AK9: variants seen among roughly 807,000 people sequenced by gnomAD.
AK9 encodes adenylate kinase domain containing 1.
AK9 carries 191 observed loss-of-function variants against 239.6 expected under a neutral mutation model. That is an observed-to-expected ratio of 0.80 (90% CI 0.71 to 0.90). The LOEUF is 0.90. Ranked by LOEUF, AK9 falls within the 40% of genes least tolerant of loss-of-function variation. The pLI, the probability that AK9 is intolerant of heterozygous loss-of-function variation, is 0.00. For missense variants in AK9, 1,995 were observed against 2,214.7 expected, an observed-to-expected ratio of 0.90 and a Z score of 1.99; for synonymous variants, 689 against 721.0, an observed-to-expected ratio of 0.96 and a Z score of 0.71.
At chr6:109,656,636 A>G in intron 8 of AK9, 120 bp downstream of exon 8, 1 of 1,148,218 alleles carries the variant, frequency 8.7e-7, no homozygotes, top group South Asian at 1.8e-5. Context: ...CTTTCTACAA[A>G]GCTCAAGGGG....
At chr6:109,604,424 A>G (rs1005032021) in intron 17 of AK9, among the ~76,000 whole-genome samples, 7 of 152,200 alleles carry the variant, frequency 4.6e-5, no homozygotes, top group African/African-American at 1.4e-4. Context: ...TTTGATAGAA[A>G]GTGAGAATCT....
intron 13 of AK9, among the ~76,000 whole-genome samples, chr6:109,616,462 C>CA (rs1317237708): frequency 5.3e-5 from 8 of 151,750 alleles, no homozygotes; most frequent in African/African-American, 1.9e-4. Context: ...ACTGCAGCCT[C>CA]AACCTCCTGG....
intron 27 of AK9, 119 bp downstream of exon 27, chr6:109,541,928 C>A: frequency 1.1e-6 from 1 of 900,720 alleles, no homozygotes; most frequent in Non-Finnish European, 1.6e-6. Context: ...TGAAAAATCA[C>A]CAGCTTACAT....
intron 10 of AK9, 38 bp downstream of exon 10, chr6:109,641,480 T>C: frequency 6.5e-7 from 1 of 1,541,572 alleles, no homozygotes; most frequent in South Asian, 1.1e-5. Context: ...ACAACATATA[T>C]TGAAAATTAG....
At chr6:109,681,139 G>C (rs186212614) in intron 1 of AK9, among the ~76,000 whole-genome samples, 1 of 152,226 alleles carries the variant, frequency 6.6e-6, no homozygotes. Context: ...CTGATTAAAA[G>C]ACACAGACTG....
At chr6:109,522,381 G>T (rs1779960424) in intron 29 of AK9, among the ~76,000 whole-genome samples, 1 of 151,734 alleles carries the variant, frequency 6.6e-6, no homozygotes, top group Non-Finnish European at 1.5e-5. Flanking sequence ...TTTATTTTCT[G>T]TTTCCATTGT....
At chr6:109,531,081 G>A (rs773872912) in intron 28 of AK9, among the ~76,000 whole-genome samples, 1 of 152,132 alleles carries the variant, frequency 6.6e-6, no homozygotes, top group Non-Finnish European at 1.5e-5. Context: ...TACCAGATAC[G>A]GGATTGCCAA....
intron 8 of AK9, among the ~76,000 whole-genome samples, chr6:109,647,098 T>C (rs1798166876): frequency 6.6e-6 from 1 of 152,076 alleles, no homozygotes; most frequent in African/African-American, 2.4e-5. Context: ...ACACTAAGCA[T>C]GGAAAGGAAC....
At chr6:109,683,845 T>C (rs1773048716) in intron 1 of AK9, among the ~76,000 whole-genome samples, 1 of 152,220 alleles carries the variant, frequency 6.6e-6, no homozygotes, top group Non-Finnish European at 1.5e-5. Flanking sequence ...ATAGATTCAA[T>C]GCTATCCCCA....
intron 27 of AK9, among the ~76,000 whole-genome samples, chr6:109,540,348 C>T (rs1782699438): frequency 6.6e-6 from 1 of 152,206 alleles, no homozygotes; most frequent in African/African-American, 2.4e-5. Context: ...AATTTGATCT[C>T]AGACTGCTGT....
At chr6:109,624,839 C>T (rs998618804) in intron 12 of AK9, among the ~76,000 whole-genome samples, 1 of 152,114 alleles carries the variant, frequency 6.6e-6, no homozygotes, top group African/African-American at 2.4e-5. Flanking sequence ...GGAAAATGAA[C>T]ACCCTAGACT....
intron 8 of AK9, among the ~76,000 whole-genome samples, chr6:109,655,805 G>C (rs1021942433): frequency 3.3e-4 from 51 of 152,296 alleles, no homozygotes; most frequent in Non-Finnish European, 6.3e-4. Context: ...TTTATTGAAG[G>C]AAGAAAGGAT....
At chr6:109,637,029 G>A (rs1796805439) in intron 10 of AK9, among the ~76,000 whole-genome samples, 1 of 152,132 alleles carries the variant, frequency 6.6e-6, no homozygotes, top group African/African-American at 2.4e-5. Flanking sequence ...AACAATGCAA[G>A]AGGGTTCTCA....
chr6:109,659,204 G>A (rs775065079), intron 7 of AK9, 24 bp downstream of exon 7: 1 of 1,543,334 alleles, frequency 6.5e-7, no homozygotes, highest in Non-Finnish European at 8.7e-7. Flanking sequence ...TGTAGTGTAT[G>A]GTAGTTACCT....
rs1255230956 is a variant in AK9 at position 109,619,249 on chromosome 6, T to C, written c.1255-13A>G. ...CATAGTCGACTACCTGCAAAGAATA[T>C]TTGAGAAAATCGACATAAGCAGGAG... On this transcript the variant is annotated splice_polypyrimidine_tract_variant and intron_variant, in intron 12 of 40. Transcript: ENST00000424296. The C allele has an allele frequency of 3.3e-6, 5 of 1,537,690 alleles. No homozygotes were observed. Among genetic ancestry groups the C allele is most frequent in the East Asian group, 2.5e-5 (1 of 40,732 alleles).
At chr6:109,557,205 C>T (rs1324754187) in intron 24 of AK9, among the ~76,000 whole-genome samples, 1 of 152,014 alleles carries the variant, frequency 6.6e-6, no homozygotes, top group Non-Finnish European at 1.5e-5. Context: ...CTGTTGTTGT[C>T]ACTTTCTACT....
chr6:109,602,587 G>A (rs1259373695), intron 17 of AK9, among the ~76,000 whole-genome samples: 41 of 151,916 alleles, frequency 2.7e-4, no homozygotes, highest in Admixed American at 8.5e-4. Flanking sequence ...TCTTTGTGGC[G>A]TTCTCTGTAT....
chr6:109,624,104 C>G (rs940154765), intron 12 of AK9, among the ~76,000 whole-genome samples: 9 of 151,928 alleles, frequency 5.9e-5, no homozygotes, highest in African/African-American at 2.2e-4. Flanking sequence ...AATGAATTCC[C>G]AAACTCTTCT....
intron 12 of AK9, among the ~76,000 whole-genome samples, chr6:109,621,913 CAAAAAAAA>C (rs758683676): frequency 1.4e-5 from 1 of 70,298 alleles, no homozygotes; most frequent in Non-Finnish European, 2.7e-5. Flanking sequence ...AAAAAAAAAA[CAAAAAAAA>C]AACAGAAAGA....
Sources: gnomAD v4.1 joint callset for allele counts (sites outside exome capture counted in the v4.1 genomes callset) on GRCh38, gnomAD v4.1.1 for gene constraint, MANE v1.5 for transcripts, NCBI Gene and HGNC (gene_info 2026-07-23, HGNC 2026-07-21) for gene names.